The following NBPF15 variants were observed in gnomAD, a reference collection of about 807,000 sequenced individuals.
NBPF15 encodes the protein NBPF family member NBPF15.
Under a neutral mutation model 62.2 loss-of-function variants are expected in NBPF15, and 74 were observed. The ratio of observed to expected loss-of-function variants is 1.19; its 90% CI spans 0.99 to 1.44. NBPF15 has a LOEUF of 1.44. NBPF15 is among the 40% of genes most tolerant of loss of function. NBPF15 has a pLI of 0.00. For missense variants in NBPF15, 790 were observed against 550.0 expected, an observed-to-expected ratio of 1.44 and a Z score of -4.36; for synonymous variants, 244 against 209.7, an observed-to-expected ratio of 1.16 and a Z score of -1.41.
At chr1:144,424,432 G>C (rs1553538872) in intron 20 of NBPF15, among the ~76,000 whole-genome samples, 1 of 151,764 alleles carries the variant, frequency 6.6e-6, no homozygotes, top group African/African-American at 2.4e-5. Context: ...TGTCACATCT[G>C]CCCAGGTCCA....
chr1:144,434,476 G>T (rs1317054225), intron 12 of NBPF15, among the ~76,000 whole-genome samples: 1 of 146,738 alleles, frequency 6.8e-6, no homozygotes, highest in Non-Finnish European at 1.5e-5. Flanking sequence ...ACTCCAGCCT[G>T]GGTGACAGAG....
rs1183522301 is a variant in NBPF15, at chr1:144,423,922, T to A, written c.1717A>T (p.Lys573Ter). 1 of 791,374 alleles carries A rather than the reference T, an allele frequency of 1.3e-6. No individual in the cohort carries two copies. Among genetic ancestry groups the A allele is most frequent in the East Asian group, 2.4e-5 (1 of 41,310 alleles). The allele number at this position is 791,374 out of a possible 1,614,324, so 49.0% of individuals were successfully genotyped here. ...KKRRGRRSKK[K>*]RRRGRKEGED... is the part of the protein sequence containing the mutation. ...CCTTCTTTTCTTCCCCTTCTTCTTTTCTTCTTTGATCTTCTTCCCCTTCTT... is the reference window on the plus strand; with the variant it reads ...CCTTCTTTTCTTCCCCTTCTTCTTTACTTCTTTGATCTTCTTCCCCTTCTT... The change falls in exon 21 of 22, where the codon AAA becomes TAA. Residue 573 changes from lysine (K) to a stop codon, truncating the protein, a stop_gained. Transcript: ENST00000581897. LOFTEE classifies it high-confidence loss of function.
chr1:144,459,016 G>A, intron 3 of NBPF15, among the ~76,000 whole-genome samples: 1 of 150,924 alleles, frequency 6.6e-6, no homozygotes, highest in Admixed American at 6.6e-5. Context: ...CTCTAGCCTG[G>A]GCAATAGAGT....
chr1:144,449,703 C>T (rs1689907027), intron 5 of NBPF15, among the ~76,000 whole-genome samples: 1 of 151,652 alleles, frequency 6.6e-6, no homozygotes, highest in Non-Finnish European at 1.5e-5. Context: ...GAAACTCCTG[C>T]TGGATTTTGC....
chr1:144,437,164 C>T (rs1187307833), intron 9 of NBPF15, 55 bp from the exon 10 acceptor site: 4 of 1,424,748 alleles, frequency 2.8e-6, no homozygotes, highest in African/African-American at 1.4e-5. Context: ...GTGATCCGCT[C>T]AAATATTGCA....
chr1:144,461,313 T>C (rs1258963984), intron 1 of NBPF15, 68 bp downstream of exon 1: 2 of 142,920 alleles, frequency 1.4e-5, no homozygotes, highest in Non-Finnish European at 3.1e-5. Flanking sequence ...TCGCCCTCCG[T>C]CGCTCGCAAC....
At chr1:144,437,734 A>G (rs1252414010) in intron 9 of NBPF15, among the ~76,000 whole-genome samples, 417 of 137,172 alleles carry the variant, frequency 3.0e-3, no homozygotes, top group South Asian at 6.3e-3. Flanking sequence ...TGTTTGAAAA[A>G]GAGAAAACAA....
chr1:144,426,647 A>G (rs1669883252), intron 17 of NBPF15, among the ~76,000 whole-genome samples, 197 bp from the exon 18 acceptor site: 1 of 150,528 alleles, frequency 6.6e-6, no homozygotes, highest in Non-Finnish European at 1.5e-5. Context: ...AGACAGGGAG[A>G]GGGAGAGAGA....
intron 6 of NBPF15, among the ~76,000 whole-genome samples, chr1:144,444,147 G>T (rs1198534362): frequency 6.6e-6 from 1 of 151,158 alleles, no homozygotes; most frequent in African/African-American, 2.4e-5. Context: ...ATCATTCCGC[G>T]TTTGGGCTAT....
chr1:144,422,881 T>A lies in NBPF15; in HGVS notation c.*132A>T. On this transcript the variant is annotated 3_prime_UTR_variant, in exon 22 of 22. Coordinates refer to ENST00000581897, the MANE Select transcript of NBPF15 (RefSeq NM_001385408.1). The stretch of plus-strand genomic sequence containing the variant: ...GGTTGCCAATGGCATGGTTTGAGAA[T>A]AGGAATAGAGCCATGCTCACTGACC... 6.3e-7 allele frequency: 1 copy of A among 1,590,496 alleles called. No homozygotes were observed. Among genetic ancestry groups the A allele is most frequent in the Admixed American group, 1.7e-5 (1 of 57,572 alleles).
At position 144,423,013 on chromosome 1, in the gene NBPF15, T is replaced by G. The variant is rs1666759259; in HGVS notation, c.2013A>C (p.Ter671TyrextTer22). 6.2e-7 allele frequency: 1 copy of G among 1,611,656 alleles called. No individual in the cohort carries two copies. The highest frequency in any genetic ancestry group is 8.5e-7 in the Non-Finnish European group (1 of 1,179,626). The change falls in exon 22 of 22, where the codon TAA (stop) becomes TAC (tyrosine). Residue 671 changes from the stop codon to tyrosine (Y), a stop_lost. Transcript: ENST00000581897. ...CATCTCTCGGCTTAGTAAGAGCTGC[T>G]TATTGTGGGAATATGACTCCCATCT... Reference protein sequence around the residue: ...VFQMGVIFPQ* With the variant: ...VFQMGVIFPQY
chr1:144,435,782 TGGG>T lies in NBPF15; in HGVS notation c.562_564del (p.Pro188del). On this transcript the variant is annotated inframe_deletion and splice_region_variant, in exon 11 of 22. Transcript: ENST00000581897. ...TTGTTCCTGAGTATTCAGTGTTACC[TGGG>T]GGCAGACGATTTCTGCACTTTCTCA... The T allele has an allele frequency of 2.3e-6, 2 of 878,018 alleles. No individual in the cohort carries two copies. 54.4% of individuals were successfully genotyped at this position (878,018 alleles called of 1,614,324 possible).
At chr1:144,442,078 G>A (rs1226686853) in intron 6 of NBPF15, among the ~76,000 whole-genome samples, 3 of 131,748 alleles carry the variant, frequency 2.3e-5, no homozygotes, top group African/African-American at 5.8e-5. Context: ...GTTAATGGGT[G>A]CAGCAAACAA....
intron 15 of NBPF15, among the ~76,000 whole-genome samples, 188 bp from the exon 16 acceptor site, chr1:144,428,178 G>GACTC (rs1671267979): frequency 1.5e-5 from 2 of 132,546 alleles, no homozygotes; most frequent in South Asian, 4.9e-4. Context: ...GAAAGAGAAA[G>GACTC]ACACACACAC....
At chr1:144,452,175 T>A (rs587749401) in intron 4 of NBPF15, among the ~76,000 whole-genome samples, 1 of 151,870 alleles carries the variant, frequency 6.6e-6, no homozygotes, top group East Asian at 1.9e-4. Context: ...TAAAATAAAA[T>A]AAAGACGGTT....
At position 144,426,995 on chromosome 1, in the gene NBPF15, G is replaced by A. The variant is rs1396525353; in HGVS notation, c.1265+52C>T. 5.3e-5 allele frequency: 40 copies of A among 753,462 alleles called. 1 individual carries two copies. The highest frequency in any genetic ancestry group is 8.5e-5 in the Non-Finnish European group (35 of 413,176). The allele number at this position is 753,462 out of a possible 1,614,324, so 46.7% of individuals were successfully genotyped here. ...CACACTCTTGTTTTCCCTGGACCTG[G>A]CATCTCCAGGTGTCAACACACAATT... On this transcript the variant is annotated intron_variant, in intron 17 of 21. Coordinates refer to ENST00000581897, the MANE Select transcript of NBPF15 (RefSeq NM_001385408.1).
chr1:144,447,238 G>A (rs1323790486), intron 6 of NBPF15, among the ~76,000 whole-genome samples: 14 of 152,316 alleles, frequency 9.2e-5, no homozygotes, highest in South Asian at 4.1e-4. Flanking sequence ...CACGCACGCC[G>A]CTGTTCCCCT....
At chr1:144,428,039 C>G in intron 15 of NBPF15, 49 bp from the exon 16 acceptor site, 1 of 781,702 alleles carries the variant, frequency 1.3e-6, no homozygotes, top group East Asian at 2.4e-5. Context: ...AATCAGAAAC[C>G]ACACAGTCCC....
chr1:144,458,287 G>C (rs1341694741), intron 3 of NBPF15, among the ~76,000 whole-genome samples: 1 of 151,898 alleles, frequency 6.6e-6, no homozygotes, highest in African/African-American at 2.4e-5. Flanking sequence ...TGTAAAAATT[G>C]TAAAAAAGAT....
Sources: gnomAD v4.1 joint callset for allele counts (sites outside exome capture counted in the v4.1 genomes callset) on GRCh38, gnomAD v4.1.1 for gene constraint, MANE v1.5 for transcripts, NCBI Gene and HGNC (gene_info 2026-07-23, HGNC 2026-07-21) for gene names.